TBC1D32: variants seen among roughly 807,000 people sequenced by gnomAD.
The protein encoded by TBC1D32 is protein broad-minded.
A neutral mutation model predicts 170.3 loss-of-function variants in TBC1D32; 151 were observed. The ratio of observed to expected loss-of-function variants is 0.89; its 90% confidence interval spans 0.78 to 1.01. The LOEUF is 1.01. Ranked by LOEUF, TBC1D32 falls within the 50% of genes least tolerant of loss-of-function variation. TBC1D32 has a pLI of 0.00. For missense variants in TBC1D32, 1,464 were observed against 1,457.1 expected (o/e 1.00, Z -0.08); for synonymous variants, 498 against 488.0 (o/e 1.02, Z -0.27).
intron 1 of TBC1D32, among the ~76,000 whole-genome samples, chr6:121,328,888 G>C (rs1384288776): frequency 6.6e-6 from 1 of 151,912 alleles, no homozygotes; most frequent in Non-Finnish European, 1.5e-5. Context: ...AATTTAATGA[G>C]AAAAAATAAA....
intron 22 of TBC1D32, among the ~76,000 whole-genome samples, chr6:121,176,187 T>A (rs1787737996): frequency 6.6e-6 from 1 of 152,116 alleles, no homozygotes; most frequent in South Asian, 2.1e-4. Flanking sequence ...AATATATCAC[T>A]GTGTGTAATT....
At chr6:121,192,066 T>A (rs1347399750) in intron 22 of TBC1D32, among the ~76,000 whole-genome samples, 2,854 of 122,142 alleles carry the variant, frequency 0.023, 97 homozygotes, top group South Asian at 0.045. Flanking sequence ...AAACTACCCT[T>A]TATATATATA....
At chr6:121,311,845 G>A (rs904448151) in intron 3 of TBC1D32, among the ~76,000 whole-genome samples, 1 of 152,098 alleles carries the variant, frequency 6.6e-6, no homozygotes, top group African/African-American at 2.4e-5. Context: ...AAGACAGCGT[G>A]GCTATTCCTC....
At chr6:121,082,687 T>C (rs1359111160) in intron 31 of TBC1D32, among the ~76,000 whole-genome samples, 1 of 152,028 alleles carries the variant, frequency 6.6e-6, no homozygotes, top group African/African-American at 2.4e-5. Flanking sequence ...TAACATCTTT[T>C]AATTATTGTT....
intron 15 of TBC1D32, among the ~76,000 whole-genome samples, chr6:121,277,123 C>A (rs945138973): frequency 6.6e-6 from 1 of 152,094 alleles, no homozygotes; most frequent in Non-Finnish European, 1.5e-5. Flanking sequence ...ACTAAGATGT[C>A]ACTTTCTGGG....
intron 1 of TBC1D32, among the ~76,000 whole-genome samples, chr6:121,323,998 G>A (rs1214147655): frequency 6.6e-6 from 1 of 152,136 alleles, no homozygotes; most frequent in Non-Finnish European, 1.5e-5. Context: ...TCTGTGCTAA[G>A]CACTTTATTG....
chr6:121,127,032 T>A (rs1780930194), intron 25 of TBC1D32, among the ~76,000 whole-genome samples: 1 of 152,134 alleles, frequency 6.6e-6, no homozygotes, highest in Non-Finnish European at 1.5e-5. Flanking sequence ...CTGAAATGGA[T>A]ATAAACAGGT....
chr6:121,279,271 A>T (rs1388560816), intron 14 of TBC1D32, 26 bp from the exon 15 acceptor site: 2 of 1,594,874 alleles, frequency 1.3e-6, no homozygotes, highest in Admixed American at 3.7e-5. Context: ...AAAACAAGAC[A>T]AATCACATAA....
intron 26 of TBC1D32, 30 bp downstream of exon 26, chr6:121,126,346 CTT>C (rs765764169): frequency 1.3e-6 from 2 of 1,511,658 alleles, no homozygotes; most frequent in African/African-American, 2.8e-5. Flanking sequence ...CATACTGAGT[CTT>C]TTTCAAACTT....
chr6:121,332,974 A>G (rs1811398480), intron 1 of TBC1D32, among the ~76,000 whole-genome samples: 1 of 152,220 alleles, frequency 6.6e-6, no homozygotes, highest in Non-Finnish European at 1.5e-5. Context: ...CACACTTTTT[A>G]AAACTCAATT....
chr6:121,328,116 C>T (rs763595702), intron 1 of TBC1D32, among the ~76,000 whole-genome samples: 3 of 151,950 alleles, frequency 2.0e-5, no homozygotes, highest in Non-Finnish European at 4.4e-5. Context: ...TCACATATTC[C>T]AATTGTGCTT....
chr6:121,099,232 T>C (rs1338658560), intron 30 of TBC1D32, among the ~76,000 whole-genome samples: 1 of 151,918 alleles, frequency 6.6e-6, no homozygotes, highest in Non-Finnish European at 1.5e-5. Context: ...GATGAATCAT[T>C]AAAGATACAT....
chr6:121,254,041 G>A (rs559660121), intron 17 of TBC1D32, among the ~76,000 whole-genome samples: 33 of 151,936 alleles, frequency 2.2e-4, no homozygotes, highest in Admixed American at 2.0e-3. Flanking sequence ...ATATGCCATG[G>A]AATACTACTC....
chr6:121,305,246 G>T (rs1208635876), intron 5 of TBC1D32, among the ~76,000 whole-genome samples: 1 of 151,948 alleles, frequency 6.6e-6, no homozygotes, highest in African/African-American at 2.4e-5. Context: ...AGTAATTAGA[G>T]ATTTAGAATT....
intron 9 of TBC1D32, 95 bp downstream of exon 9, chr6:121,303,522 T>C: frequency 9.7e-7 from 1 of 1,034,242 alleles, no homozygotes; most frequent in Non-Finnish European, 1.3e-6. Context: ...TAAAAGTGAT[T>C]AGAACTCTTA....
chr6:121,277,344 C>T (rs1802344023), intron 15 of TBC1D32, among the ~76,000 whole-genome samples: 2 of 151,834 alleles, frequency 1.3e-5, no homozygotes, highest in Admixed American at 1.3e-4. Flanking sequence ...AAAAATTAGC[C>T]AGGCATGGTG....
Position 121,281,621 on chromosome 6 carries a change from C to T in TBC1D32, c.1531G>A (p.Ala511Thr). Residue 511 changes from alanine (A) to threonine (T), a missense_variant, in exon 14 of 32, where the codon GCA becomes ACA. By Grantham distance (58) the Ala-to-Thr change is moderately conservative (BLOSUM62 0). This residue lies in a region of TBC1D32 where 1,363 missense variants were observed against 1,338.1 expected (regional missense o/e 1.02). Transcript: ENST00000398212. ...LWILSDQKEC[A>T]VECLYNNIVI... ...ATGTTGTTATATAAGCATTCCACTG[C>T]ACATTCTTTTTGATCACTGAGTATC... The T allele has an allele frequency of 6.2e-7, 1 of 1,607,388 alleles. No homozygotes were observed. The highest frequency in any genetic ancestry group is 8.5e-7 in the Non-Finnish European group (1 of 1,175,940).
chr6:121,231,195 T>C (rs1182870972), intron 20 of TBC1D32, among the ~76,000 whole-genome samples: 1 of 152,096 alleles, frequency 6.6e-6, no homozygotes, highest in Non-Finnish European at 1.5e-5. Flanking sequence ...CAGCACCATT[T>C]TTTGAATAGG....
intron 1 of TBC1D32, among the ~76,000 whole-genome samples, chr6:121,332,711 T>C (rs1465035667): frequency 6.6e-6 from 1 of 152,140 alleles, no homozygotes; most frequent in Non-Finnish European, 1.5e-5. Context: ...AAAACATTAA[T>C]CACCCAGCCT....
Sources: gnomAD v4.1 joint callset for allele counts (sites outside exome capture counted in the v4.1 genomes callset) on GRCh38, gnomAD v4.1.1 for gene constraint, gnomAD v4.1.1 regional missense constraint, MANE v1.5 for transcripts, NCBI Gene and HGNC (gene_info 2026-07-23, HGNC 2026-07-21) for gene names.